The following RELL1 variants were observed in gnomAD, a reference collection of about 807,000 sequenced individuals.
RELL1 encodes RELT-like protein 1.
In RELL1, 10 loss-of-function variants were observed where a neutral mutation model predicts 23.0. The ratio of observed to expected loss-of-function variants is 0.43; its 90% CI spans 0.27 to 0.74. RELL1 has a LOEUF of 0.74. Ranked by LOEUF, RELL1 falls within the 30% of genes least tolerant of loss-of-function variation. The probability of loss-of-function intolerance (pLI) is 0.19; values close to 1 mark genes in which losing one functional copy is unlikely to be tolerated. For missense variants in RELL1, 315 were observed against 364.4 expected (o/e 0.86, Z 1.10); for synonymous variants, 146 against 146.8 (o/e 0.99, Z 0.04).
intron 3 of RELL1, among the ~76,000 whole-genome samples, chr4:37,640,146 G>A (rs945314716): frequency 6.6e-5 from 10 of 152,058 alleles, no homozygotes; most frequent in Non-Finnish European, 7.4e-5. Flanking sequence ...GAGAACATAT[G>A]GGTTTTTGCT....
At chr4:37,607,113 G>C (rs1013922462), downstream of RELL1, among the ~76,000 whole-genome samples, 1 of 152,124 alleles carries the variant, frequency 6.6e-6, no homozygotes, top group Non-Finnish European at 1.5e-5. Flanking sequence ...CAGTACATTC[G>C]AGTGTCAAGA....
At chr4:37,675,644 A>C (rs1016812685) in intron 1 of RELL1, among the ~76,000 whole-genome samples, 1 of 152,266 alleles carries the variant, frequency 6.6e-6, no homozygotes, top group Non-Finnish European at 1.5e-5. Flanking sequence ...ACTTGTGGAC[A>C]GTGTATTCAC....
chr4:37,621,210 A>G (rs1049722489), intron 6 of RELL1, among the ~76,000 whole-genome samples: 1 of 152,210 alleles, frequency 6.6e-6, no homozygotes, highest in South Asian at 2.1e-4. Context: ...TAATCCCAGC[A>G]CTTTCGGAGG....
chr4:37,655,612 T>G (rs2109290792), intron 1 of RELL1, among the ~76,000 whole-genome samples: 1 of 152,340 alleles, frequency 6.6e-6, no homozygotes, highest in Non-Finnish European at 1.5e-5. Context: ...CTCTTGGACT[T>G]CTCTGTTGCT....
rs199773530 is a variant in RELL1, at chr4:37,604,810, G to GACAC, written c.*4-13597_*4-13594dup. On this transcript the variant is annotated intron_variant, in intron 6 of 6. Transcript: ENST00000314117. Reference sequence around the variant, plus strand: ...AGACACACACACAGACACACACACAGACACACACACAGACACACACATACA... The same window carrying GACAC: ...AGACACACACACAGACACACACACAGACACACACACACACAGACACACACATACA... Among the ~76,000 whole-genome samples, 20 of 73,618 alleles carry GACAC rather than the reference G, an allele frequency of 2.7e-4. No homozygotes were observed. The East Asian group carries it at 3.6e-3, about 13-fold the overall frequency. 48.3% of individuals were successfully genotyped at this position (73,618 alleles called of 152,430 possible).
At chr4:37,596,174 T>C (rs560498613) in intron 6 of RELL1, among the ~76,000 whole-genome samples, 2 of 152,342 alleles carry the variant, frequency 1.3e-5, no homozygotes, top group South Asian at 4.1e-4. Context: ...CTGTGTGACC[T>C]TTTGACTTTA....
intron 6 of RELL1, among the ~76,000 whole-genome samples, chr4:37,619,281 C>T (rs776766696): frequency 3.3e-5 from 5 of 151,996 alleles, no homozygotes; most frequent in Non-Finnish European, 7.4e-5. Flanking sequence ...CTCCCAAGTT[C>T]GAGCGATTCT....
intron 1 of RELL1, among the ~76,000 whole-genome samples, chr4:37,685,484 A>G (rs1722371970): frequency 6.6e-6 from 1 of 152,210 alleles, no homozygotes; most frequent in Admixed American, 6.5e-5. Context: ...ATTTCAATTA[A>G]AAACTGCTTC....
At chr4:37,623,967 A>C (rs546082003) in intron 6 of RELL1, among the ~76,000 whole-genome samples, 1 of 152,350 alleles carries the variant, frequency 6.6e-6, no homozygotes, top group East Asian at 1.9e-4. Context: ...GCAGTTTCTC[A>C]TCATTAACTG....
chr4:37,624,963 A>G (rs1719891598), intron 6 of RELL1, among the ~76,000 whole-genome samples: 1 of 152,230 alleles, frequency 6.6e-6, no homozygotes, highest in Admixed American at 6.5e-5. Flanking sequence ...TTTAGCAGAT[A>G]CTCTGTGCCA....
At chr4:37,666,650 C>A (rs761414864) in intron 1 of RELL1, among the ~76,000 whole-genome samples, 2 of 152,080 alleles carry the variant, frequency 1.3e-5, no homozygotes, top group Non-Finnish European at 1.5e-5. Flanking sequence ...ATGAGCTGGG[C>A]TGGAAGGGGC....
chr4:37,588,574 A>G (rs1468914584), downstream of RELL1: 1 of 370,906 alleles, frequency 2.7e-6, no homozygotes, highest in Non-Finnish European at 5.0e-6. Context: ...CCTCATCTGC[A>G]AAATGGGGAT....
downstream of RELL1, among the ~76,000 whole-genome samples, chr4:37,608,644 T>C (rs1286105870): frequency 6.9e-6 from 1 of 144,430 alleles, no homozygotes; most frequent in African/African-American, 2.5e-5. Context: ...TTTTTAAATT[T>C]AATTTTTTTT....
intron 1 of RELL1, among the ~76,000 whole-genome samples, chr4:37,655,431 G>A (rs1721086089): frequency 6.6e-6 from 1 of 152,078 alleles, no homozygotes; most frequent in African/African-American, 2.4e-5. Context: ...CATATGATTG[G>A]TGTCCTTCTG....
chr4:37,601,327 AT>A (rs1399333641), intron 6 of RELL1, among the ~76,000 whole-genome samples: 3 of 152,152 alleles, frequency 2.0e-5, no homozygotes, highest in African/African-American at 7.2e-5. Context: ...TGGCCAATAG[AT>A]TGTTCTGTTT....
intron 1 of RELL1, among the ~76,000 whole-genome samples, chr4:37,678,120 A>C (rs1366810852): frequency 6.6e-6 from 1 of 151,960 alleles, no homozygotes; most frequent in East Asian, 1.9e-4. Context: ...GCAGAAGGCA[A>C]CAGAGGAGCA....
chr4:37,597,326 A>G (rs550989453), intron 6 of RELL1, among the ~76,000 whole-genome samples: 7 of 152,310 alleles, frequency 4.6e-5, no homozygotes, highest in African/African-American at 1.7e-4. Flanking sequence ...CACATTCCAA[A>G]CTAAAATGAG....
At chr4:37,641,774 A>C (rs917478027) in intron 3 of RELL1, among the ~76,000 whole-genome samples, 3 of 152,168 alleles carry the variant, frequency 2.0e-5, no homozygotes, top group African/African-American at 7.2e-5. Flanking sequence ...AGTTTTCCTC[A>C]CACCTAAGGC....
intron 6 of RELL1, among the ~76,000 whole-genome samples, chr4:37,595,043 C>T (rs1718784156): frequency 6.6e-6 from 1 of 152,174 alleles, no homozygotes; most frequent in Admixed American, 6.5e-5. Context: ...AAATTAATTG[C>T]TTTCTGGTCT....
Sources: allele counts gnomAD v4.1 joint callset (sites outside exome capture counted in the v4.1 genomes callset), GRCh38; gene constraint gnomAD v4.1.1; transcripts MANE v1.5; gene names NCBI Gene and HGNC (gene_info 2026-07-23, HGNC 2026-07-21).